MOB1B: variants seen among roughly 807,000 people sequenced by gnomAD.
The protein encoded by MOB1B is MOB kinase activator 1B.
In MOB1B, 19 loss-of-function variants were observed where a neutral mutation model predicts 24.4. That is an observed-to-expected ratio of 0.78 (90% CI 0.54 to 1.14). The LOEUF is 1.14. Ranked by LOEUF, MOB1B falls within the 50% of genes most tolerant of loss-of-function variation. MOB1B has a pLI of 0.00. For synonymous variants in MOB1B, 76 were observed against 82.1 expected, an observed-to-expected ratio of 0.93 and a Z score of 0.40; for missense variants, 243 against 259.6, an observed-to-expected ratio of 0.94 and a Z score of 0.44.
At chr4:70,928,882 T>C (rs1736763385) in intron 1 of MOB1B, among the ~76,000 whole-genome samples, 1 of 151,868 alleles carries the variant, frequency 6.6e-6, no homozygotes, top group South Asian at 2.1e-4. Flanking sequence ...GCCCCTGCAC[T>C]CAGCCTTATT....
rs1400975258 is a variant in MOB1B, at chr4:70,950,843, A to G, written c.15-8031A>G. On this transcript the variant is annotated intron_variant, in intron 1 of 5. Transcript: ENST00000309395. ...ACCTAGAGGCGGAGCAGAGAGAACTAATAGTAGTGAAGTTCTTAACATAAG... is the reference window on the plus strand; with the variant it reads ...ACCTAGAGGCGGAGCAGAGAGAACTGATAGTAGTGAAGTTCTTAACATAAG... 12 of 1,184,044 alleles carry G rather than the reference A, an allele frequency of 1.0e-5. No individual in the cohort carries two copies. The Admixed American group carries it at 2.2e-4, about 22-fold the overall frequency. 73.3% of individuals were successfully genotyped at this position (1,184,044 alleles called of 1,614,324 possible).
intron 1 of MOB1B, among the ~76,000 whole-genome samples, chr4:70,914,151 A>G (rs1422446016): frequency 1.3e-5 from 2 of 152,194 alleles, no homozygotes; most frequent in Non-Finnish European, 1.5e-5. Flanking sequence ...AGGAGGCGCC[A>G]TTTACGAGGG....
intron 1 of MOB1B, among the ~76,000 whole-genome samples, chr4:70,909,934 A>T (rs1735910702): frequency 6.6e-6 from 1 of 151,906 alleles, no homozygotes; most frequent in Non-Finnish European, 1.5e-5. Flanking sequence ...TTTAGTAGAG[A>T]TGGGATTTTC....
chr4:70,967,582 T>C (rs1341135492), intron 2 of MOB1B, among the ~76,000 whole-genome samples: 3 of 152,194 alleles, frequency 2.0e-5, no homozygotes, highest in African/African-American at 7.2e-5. Flanking sequence ...AAAGAAAATA[T>C]GTTGAAAATC....
intron 1 of MOB1B, among the ~76,000 whole-genome samples, chr4:70,945,953 T>C (rs1051168997): frequency 2.0e-5 from 3 of 151,876 alleles, no homozygotes; most frequent in African/African-American, 4.8e-5. Context: ...TTTTTTTTTT[T>C]CCTATCGGGC....
intron 4 of MOB1B, chr4:70,975,793 C>CATAT: frequency 1.1e-6 from 1 of 943,964 alleles, no homozygotes; most frequent in Non-Finnish European, 1.3e-6. Context: ...CCATACATAA[C>CATAT]ATATATTTTT....
chr4:70,982,168 C>A lies in MOB1B; in HGVS notation c.*111C>A. 2 of 692,744 alleles carry A rather than the reference C, an allele frequency of 2.9e-6. No individual in the cohort carries two copies. Among genetic ancestry groups the A allele is most frequent in the South Asian group, 2.0e-5 (1 of 50,232 alleles). The allele number at this position is 692,744 out of a possible 1,614,324, so 42.9% of individuals were successfully genotyped here. A position where few individuals can be genotyped will look rare whatever the true frequency, so the allele number is the denominator to read the frequency against. ...ATTGTTTTTGTCCTAGGTTTGGGGG[C>A]GGGGGCTTGTTTGGGTTCCTTTTTC... On this transcript the variant is annotated 3_prime_UTR_variant, in exon 6 of 6. Transcript: ENST00000309395.
rs189524473 is a variant in MOB1B, at chr4:70,906,216, A to T, written c.14+3666A>T. On this transcript the variant is annotated intron_variant, in intron 1 of 5. Coordinates refer to ENST00000309395, the MANE Select transcript of MOB1B (RefSeq NM_173468.4). ...AAGAAATGAAACCCCATGTCTACTA[A>T]AAATAAAAAAAATTAGCCGGGCGTG... is the stretch of plus-strand genomic sequence containing the variant. Among the ~76,000 whole-genome samples, 556 of 152,256 alleles carry T rather than the reference A, an allele frequency of 3.7e-3. 1 individual carries two copies. The highest frequency in any genetic ancestry group is 0.01 in the Middle Eastern group (3 of 294).
intron 1 of MOB1B, among the ~76,000 whole-genome samples, chr4:70,949,151 T>C (rs187252641): frequency 1.3e-5 from 2 of 152,348 alleles, no homozygotes; most frequent in Admixed American, 1.3e-4. Context: ...TCATTAACTT[T>C]TTAATCTTAT....
chr4:70,902,197 C>T (rs1735533517), upstream of MOB1B: 1 of 473,004 alleles, frequency 2.1e-6, no homozygotes, highest in Non-Finnish European at 3.8e-6. Context: ...AGTCCCCATG[C>T]CGCAGCCGGA....
intron 1 of MOB1B, among the ~76,000 whole-genome samples, chr4:70,945,080 T>C (rs555482252): frequency 6.6e-6 from 1 of 152,320 alleles, no homozygotes; most frequent in Admixed American, 6.5e-5. Flanking sequence ...GATAAGGCAG[T>C]GCATTGGGTG....
chr4:70,965,713 C>T (rs1031814323), intron 2 of MOB1B, among the ~76,000 whole-genome samples: 2 of 139,556 alleles, frequency 1.4e-5, no homozygotes, highest in African/African-American at 2.7e-5. Context: ...AGGAGAATGG[C>T]GTGAGCCCGG....
chr4:70,975,671 C>T, intron 4 of MOB1B: 2 of 955,188 alleles, frequency 2.1e-6, no homozygotes, highest in Non-Finnish European at 2.5e-6. Context: ...AAATTATGAT[C>T]ATCATTGAGA....
intron 1 of MOB1B, among the ~76,000 whole-genome samples, chr4:70,939,578 A>T (rs1737244606): frequency 1.3e-5 from 2 of 152,182 alleles, no homozygotes; most frequent in Non-Finnish European, 2.9e-5. Context: ...GCTACTCAAG[A>T]GGCTGAGGCT....
chr4:70,962,432 A>G (rs1015485592), intron 2 of MOB1B, among the ~76,000 whole-genome samples: 43 of 152,234 alleles, frequency 2.8e-4, no homozygotes, highest in Non-Finnish European at 2.9e-4. Context: ...AGAAAAGGCA[A>G]TTCAGTGGAG....
chr4:70,942,575 C>A lies in MOB1B; in HGVS notation c.15-16299C>A, dbSNP rs144501855. ...TTAATAGAAAAAGAATAAACCTAAA[C>A]TGTAGTTTTTAATTGAAATAAAACT... is the stretch of plus-strand genomic sequence containing the variant. On this transcript the variant is annotated intron_variant, in intron 1 of 5. Coordinates refer to ENST00000309395, the MANE Select transcript of MOB1B (RefSeq NM_173468.4). Among the ~76,000 whole-genome samples, 299 of 152,168 alleles carry A rather than the reference C, an allele frequency of 2.0e-3. 1 individual carries two copies. Among genetic ancestry groups the A allele is most frequent in the African/African-American group, 6.9e-3 (285 of 41,518 alleles).
chr4:70,927,387 A>G (rs1466318313), intron 1 of MOB1B, among the ~76,000 whole-genome samples: 6 of 152,006 alleles, frequency 3.9e-5, no homozygotes, highest in Admixed American at 3.3e-4. Flanking sequence ...TAAAAATACA[A>G]TAATTAGCCA....
rs553232574 is a variant in MOB1B at position 70,926,051 on chromosome 4, C to A, written c.14+23501C>A. On this transcript the variant is annotated intron_variant, in intron 1 of 5. Coordinates refer to ENST00000309395, the MANE Select transcript of MOB1B (RefSeq NM_173468.4). ...CACCGAAGCTGGAATGCAGTGGTAT[C>A]TTCTCAGCTCACTGCAACCTCAACC... Among the ~76,000 whole-genome samples the A allele has an allele frequency of 5.3e-5, 8 of 152,242 alleles. 1 individual carries two copies. The South Asian group carries it at 1.5e-3, about 28-fold the overall frequency.
chr4:70,904,510 C>T (rs1216376188), intron 1 of MOB1B, among the ~76,000 whole-genome samples: 1 of 151,674 alleles, frequency 6.6e-6, no homozygotes, highest in African/African-American at 2.4e-5. Flanking sequence ...CCTGTAATCC[C>T]AGCACTTTGG....
Sources: gnomAD v4.1 joint callset for allele counts (sites outside exome capture counted in the v4.1 genomes callset) on GRCh38, gnomAD v4.1.1 for gene constraint, MANE v1.5 for transcripts, NCBI Gene and HGNC (gene_info 2026-07-23, HGNC 2026-07-21) for gene names.